POT1: variants seen among roughly 807,000 people sequenced by gnomAD.
POT1 encodes the protein protection of telomeres protein 1.
In POT1, 47 loss-of-function variants were observed where a neutral mutation model predicts 78.5. The observed-to-expected ratio is 0.60, with a 90% CI of 0.47 to 0.76. The LOEUF (loss-of-function observed/expected upper bound fraction) is 0.76. Ranked by LOEUF, POT1 falls within the 30% of genes least tolerant of loss-of-function variation. POT1 has a pLI of 0.00. For synonymous variants in POT1, 259 were observed against 260.7 expected, an observed-to-expected ratio of 0.99 and a Z score of 0.06; for missense variants, 646 against 749.9, an observed-to-expected ratio of 0.86 and a Z score of 1.62.
intron 6 of POT1, among the ~76,000 whole-genome samples, chr7:124,885,827 A>T (rs1475802211): frequency 1.3e-5 from 2 of 152,072 alleles, no homozygotes; most frequent in Admixed American, 6.6e-5. Flanking sequence ...TGATGATAAA[A>T]GGACATTTCA....
intron 9 of POT1, among the ~76,000 whole-genome samples, chr7:124,855,218 C>CA (rs550056711): frequency 0.045 from 2,357 of 52,414 alleles, 65 homozygotes; most frequent in African/African-American, 0.068. Context: ...GAGAGGAGAG[C>CA]AAAAAAAAAA....
chr7:124,892,269 T>C lies in POT1; in HGVS notation c.121A>G (p.Thr41Ala). The C allele has an allele frequency of 6.6e-7, 1 of 1,518,254 alleles. No individual in the cohort carries two copies. Among genetic ancestry groups the C allele is most frequent in the Non-Finnish European group, 8.8e-7 (1 of 1,133,118 alleles). 94.0% of individuals were successfully genotyped at this position (1,518,254 alleles called of 1,614,324 possible). A position where few individuals can be genotyped will look rare whatever the true frequency, so the allele number is the denominator to read the frequency against. The part of the protein sequence containing the change: ...FFKPPYLSKG[T>A]DYCSVVTIVD... ...CTCCACCAGTTTTAATACCTACCAG[T>C]TCCTTTGCTTAGATATGGGGGCTTA... The change falls in exon 6 of 19, where the codon ACT becomes GCT. Residue 41 changes from threonine to alanine, a missense_variant. By Grantham distance (58) the Thr-to-Ala change is moderately conservative. Coordinates refer to ENST00000357628, the MANE Select transcript of POT1 (RefSeq NM_015450.3).
intron 7 of POT1, among the ~76,000 whole-genome samples, chr7:124,870,422 T>A (rs973907461): frequency 6.6e-6 from 1 of 152,120 alleles, no homozygotes; most frequent in Non-Finnish European, 1.5e-5. Context: ...CCTGTTCATA[T>A]CTTATTTCTT....
chr7:124,855,994 G>A (rs1381595160), intron 9 of POT1, among the ~76,000 whole-genome samples: 3 of 152,224 alleles, frequency 2.0e-5, no homozygotes, highest in Non-Finnish European at 4.4e-5. Context: ...AAATGTTTAA[G>A]GGAATGATAT....
At chr7:124,840,495 A>G (rs1795000443) in intron 14 of POT1, among the ~76,000 whole-genome samples, 1 of 152,074 alleles carries the variant, frequency 6.6e-6, no homozygotes, top group Non-Finnish European at 1.5e-5. Context: ...AAATGAAAAG[A>G]AAATGAAAAA....
At position 124,892,220 on chromosome 7, in the gene POT1, A is replaced by G. The variant is rs1418423028; in HGVS notation, c.124+46T>C. 7 of 1,169,786 alleles carry G rather than the reference A, an allele frequency of 6.0e-6. No individual in the cohort carries two copies. The Admixed American group carries it at 1.5e-4, about 26-fold the overall frequency. 72.5% of individuals were successfully genotyped at this position (1,169,786 alleles called of 1,614,324 possible). A position where few individuals can be genotyped will look rare whatever the true frequency, so the allele number is the denominator to read the frequency against. On this transcript the variant is annotated intron_variant, in intron 6 of 18. Transcript: ENST00000357628. ...CAGATGGAACCGTGTTCCTAAATCA[A>G]TAATGCATTTCCACTCCAAAAAACT...
intron 8 of POT1, among the ~76,000 whole-genome samples, chr7:124,859,445 C>T (rs1795530902): frequency 6.6e-6 from 1 of 151,986 alleles, no homozygotes; most frequent in Non-Finnish European, 1.5e-5. Context: ...CACATAAATA[C>T]AACTAGTAAA....
At chr7:124,884,733 C>CCT (rs1045078527) in intron 6 of POT1, among the ~76,000 whole-genome samples, 1 of 152,118 alleles carries the variant, frequency 6.6e-6, no homozygotes, top group African/African-American at 2.4e-5. Flanking sequence ...AACAAGGTTC[C>CCT]CTCTATTTTT....
At chr7:124,906,242 A>C (rs1470642210) in intron 3 of POT1, among the ~76,000 whole-genome samples, 1 of 152,152 alleles carries the variant, frequency 6.6e-6, no homozygotes, top group Non-Finnish European at 1.5e-5. Context: ...AGTAACCCAA[A>C]TGTCCAACAA....
Position 124,829,078 on chromosome 7 carries a change from A to G in POT1, c.1594+176T>C, listed in dbSNP as rs565690574. On this transcript the variant is annotated intron_variant, in intron 16 of 18. Coordinates refer to ENST00000357628, the MANE Select transcript of POT1 (RefSeq NM_015450.3). Reference sequence around the variant, plus strand: ...ACGGTGCCTGCTTGAAGAAATACAGACTAAAGGAAGGCTTGGCAGATATCT... The same window carrying G: ...ACGGTGCCTGCTTGAAGAAATACAGGCTAAAGGAAGGCTTGGCAGATATCT... The G allele has an allele frequency of 2.5e-5, 19 of 764,682 alleles. No homozygotes were observed. The East Asian group carries it at 4.5e-4, about 18-fold the overall frequency. 47.4% of individuals were successfully genotyped at this position (764,682 alleles called of 1,614,324 possible). A position where few individuals can be genotyped will look rare whatever the true frequency, so the allele number is the denominator to read the frequency against.
chr7:124,870,418 C>T (rs1454095114), intron 7 of POT1, among the ~76,000 whole-genome samples: 1 of 151,940 alleles, frequency 6.6e-6, no homozygotes, highest in Non-Finnish European at 1.5e-5. Context: ...AGTTCCTGTT[C>T]ATATCTTATT....
At chr7:124,863,987 A>T (rs2116543852) in intron 7 of POT1, among the ~76,000 whole-genome samples, 1 of 152,282 alleles carries the variant, frequency 6.6e-6, no homozygotes, top group Admixed American at 6.5e-5. Flanking sequence ...AGGACCATAA[A>T]TGACAGTGAC....
intron 2 of POT1, among the ~76,000 whole-genome samples, chr7:124,917,745 T>C (rs1256770464): frequency 1.3e-5 from 2 of 152,154 alleles, no homozygotes; most frequent in African/African-American, 4.8e-5. Context: ...GTAGAGGGGA[T>C]AATCAGAAAA....
chr7:124,921,856 A>C (rs897454722), intron 2 of POT1, among the ~76,000 whole-genome samples: 40 of 152,198 alleles, frequency 2.6e-4, no homozygotes, highest in African/African-American at 8.9e-4. Context: ...GAAAAGGGTA[A>C]TAATGTGGCA....
chr7:124,846,162 G>GACACACATAC (rs1554421676), intron 12 of POT1, among the ~76,000 whole-genome samples: 1 of 148,718 alleles, frequency 6.7e-6, no homozygotes, highest in Admixed American at 6.7e-5. Context: ...CATTCATACT[G>GACACACATAC]ACACACACAC....
intron 3 of POT1, among the ~76,000 whole-genome samples, chr7:124,904,978 T>C: frequency 6.6e-6 from 1 of 152,186 alleles, no homozygotes; most frequent in Non-Finnish European, 1.5e-5. Flanking sequence ...AAATCACTGC[T>C]CAATGAAATA....
At chr7:124,890,300 C>T (rs1796339216) in intron 6 of POT1, among the ~76,000 whole-genome samples, 2 of 151,870 alleles carry the variant, frequency 1.3e-5, no homozygotes, top group African/African-American at 4.8e-5. Context: ...AAAACTTCAA[C>T]AGATGAAGAG....
Position 124,825,250 on chromosome 7 carries a change from A to T in POT1, c.1792+2T>A. 6.3e-7 allele frequency: 1 copy of T among 1,593,658 alleles called. No individual in the cohort carries two copies. Among genetic ancestry groups the T allele is most frequent in the Non-Finnish European group, 8.6e-7 (1 of 1,164,742 alleles). ...TGGGATTGTTAAAATATTCTTGCCT[A>T]CCAATTTTTATTCCTGGAGGACAAA... On this transcript the variant is annotated splice_donor_variant, in intron 18 of 18. Transcript: ENST00000357628. LOFTEE classifies it high-confidence loss of function.
In POT1 at chr7:124,918,200, G is replaced by A. The variant is rs556847895; in HGVS notation, c.-226-2554C>T. 8.5e-5 allele frequency among the ~76,000 whole-genome samples: 13 copies of A among 152,228 alleles called. No homozygotes were observed. In the South Asian group the frequency reaches 2.7e-3, roughly 32 times the overall value. ...TAAATTAAGACAAATTTAACAAACT[G>A]CCCTGAGGCAGTCTCTCTGAAAACC... On this transcript the variant is annotated intron_variant, in intron 2 of 18. Coordinates refer to ENST00000357628, the MANE Select transcript of POT1 (RefSeq NM_015450.3).
Sources: allele counts gnomAD v4.1 joint callset (sites outside exome capture counted in the v4.1 genomes callset), GRCh38; gene constraint gnomAD v4.1.1; transcripts MANE v1.5; gene names NCBI Gene and HGNC (gene_info 2026-07-23, HGNC 2026-07-21).